The following GRID2 variants were observed in gnomAD, a reference collection of about 807,000 sequenced individuals.
GRID2 encodes the protein glutamate receptor ionotropic, delta-2.
A neutral mutation model predicts 114.8 loss-of-function variants in GRID2; 33 were observed. The observed-to-expected ratio is 0.29, with a 90% CI of 0.22 to 0.38. The LOEUF is 0.38. Among genes scored for constraint, GRID2 ranks in the 10% least tolerant of loss-of-function variants. The pLI is 1.00. For missense variants in GRID2, 1,184 were observed against 1,257.7 expected (o/e 0.94, Z 0.89); for synonymous variants, 505 against 449.9 (o/e 1.12, Z -1.55).
At chr4:93,297,309 T>C (rs72874957) in intron 8 of GRID2, among the ~76,000 whole-genome samples, 8,229 of 152,266 alleles carry the variant, frequency 0.054, 749 homozygotes, top group African/African-American at 0.19. Flanking sequence ...TAAGACCTTT[T>C]ATGTTATGTT....
intron 3 of GRID2, among the ~76,000 whole-genome samples, chr4:93,096,957 A>G (rs976568348): frequency 6.6e-6 from 1 of 152,054 alleles, no homozygotes; most frequent in Non-Finnish European, 1.5e-5. Context: ...ACAGTAGAAT[A>G]CTATTGAGCA....
intron 1 of GRID2, among the ~76,000 whole-genome samples, chr4:92,347,417 T>C (rs28733517): frequency 0.014 from 2,069 of 152,290 alleles, 53 homozygotes; most frequent in African/African-American, 0.047. Context: ...TTTGGGATGT[T>C]ACATATATGC....
intron 4 of GRID2, among the ~76,000 whole-genome samples, chr4:93,140,766 C>A (rs1735699742): frequency 6.6e-6 from 1 of 152,156 alleles, no homozygotes; most frequent in East Asian, 1.9e-4. Flanking sequence ...AGGTCTATGC[C>A]AATCAATACA....
intron 13 of GRID2, among the ~76,000 whole-genome samples, chr4:93,617,629 A>G (rs1257744351): frequency 6.6e-6 from 1 of 152,128 alleles, no homozygotes; most frequent in East Asian, 1.9e-4. Context: ...TATTATAATC[A>G]TTCTCATTTT....
chr4:92,810,352 T>G (rs866604613), intron 2 of GRID2, among the ~76,000 whole-genome samples: 13 of 152,018 alleles, frequency 8.6e-5, no homozygotes, highest in Non-Finnish European at 1.6e-4. Context: ...TAGCACACTT[T>G]AAGAATTTTT....
At chr4:93,792,415 G>A (rs1049367234) in intron 1 of GRID2, among the ~76,000 whole-genome samples, 1 of 151,916 alleles carries the variant, frequency 6.6e-6, no homozygotes, top group Non-Finnish European at 1.5e-5. Context: ...TTCTTGGAAG[G>A]CTGGGTTTTA....
At chr4:93,699,611 C>A (rs191938530) in intron 14 of GRID2, among the ~76,000 whole-genome samples, 1 of 152,076 alleles carries the variant, frequency 6.6e-6, no homozygotes, top group East Asian at 1.9e-4. Context: ...GAATTAAAAC[C>A]CAGGTTTTTC....
At chr4:92,764,093 G>T (rs919827464) in intron 2 of GRID2, among the ~76,000 whole-genome samples, 1 of 152,112 alleles carries the variant, frequency 6.6e-6, no homozygotes, top group Non-Finnish European at 1.5e-5. Flanking sequence ...TAAGATGGTT[G>T]TCTGTGCTCT....
At chr4:92,623,277 A>T (rs950501520) in intron 2 of GRID2, among the ~76,000 whole-genome samples, 2 of 151,536 alleles carry the variant, frequency 1.3e-5, no homozygotes, top group African/African-American at 4.8e-5. Context: ...CTGTACTAGC[A>T]TCTGAACTAT....
intron 1 of GRID2, among the ~76,000 whole-genome samples, chr4:92,349,047 A>C (rs1727929087): frequency 6.6e-6 from 1 of 151,998 alleles, no homozygotes; most frequent in Admixed American, 6.6e-5. Flanking sequence ...TGTAATGGGA[A>C]GATGGAGAGG....
chr4:92,736,812 A>G (rs115541306), intron 2 of GRID2, among the ~76,000 whole-genome samples: 415 of 152,220 alleles, frequency 2.7e-3, no homozygotes, highest in African/African-American at 9.5e-3. Flanking sequence ...GAGTAAAGTG[A>G]CAAGTGTTGA....
chr4:92,980,155 A>G (rs1754103938), intron 2 of GRID2, among the ~76,000 whole-genome samples: 1 of 152,080 alleles, frequency 6.6e-6, no homozygotes, highest in Non-Finnish European at 1.5e-5. Context: ...CAAGAACCCA[A>G]TTTTTGACTA....
At chr4:92,883,824 T>G (rs891015595) in intron 2 of GRID2, among the ~76,000 whole-genome samples, 2 of 152,196 alleles carry the variant, frequency 1.3e-5, no homozygotes, top group Non-Finnish European at 2.9e-5. Flanking sequence ...CCATCCAGGC[T>G]TTGTTGTTCC....
Position 92,958,850 on chromosome 4 carries a change from A to C in GRID2, c.245-126145A>C, listed in dbSNP as rs573049344. Among the ~76,000 whole-genome samples, 6 of 152,090 alleles carry C rather than the reference A, an allele frequency of 3.9e-5. No individual in the cohort carries two copies. In the South Asian group the frequency reaches 1.2e-3, roughly 32 times the overall value. ...CATTTTTGATTCAATTTGTTTGGTA[A>C]ATATTCACCTATTCAGATTGCCATT... On this transcript the variant is annotated intron_variant, in intron 2 of 15. Coordinates refer to ENST00000282020, the MANE Select transcript of GRID2 (RefSeq NM_001510.4).
At chr4:92,948,123 T>G (rs761084623) in intron 2 of GRID2, among the ~76,000 whole-genome samples, 68 of 151,912 alleles carry the variant, frequency 4.5e-4, no homozygotes, top group Non-Finnish European at 8.0e-4. Flanking sequence ...AAAGCCATTA[T>G]ACTCCTACCT....
At chr4:92,821,139 T>C (rs1428527435) in intron 2 of GRID2, among the ~76,000 whole-genome samples, 1 of 152,182 alleles carries the variant, frequency 6.6e-6, no homozygotes, top group East Asian at 1.9e-4. Flanking sequence ...TGAATTGATA[T>C]GTTTAACTGG....
At chr4:92,420,525 C>T (rs1349418445) in intron 1 of GRID2, among the ~76,000 whole-genome samples, 3 of 152,112 alleles carry the variant, frequency 2.0e-5, no homozygotes, top group East Asian at 3.9e-4. Context: ...TTGTTGTTTA[C>T]AAGGTTTGTT....
intron 1 of GRID2, among the ~76,000 whole-genome samples, chr4:92,551,722 A>G (rs1474832170): frequency 2.0e-5 from 3 of 152,200 alleles, no homozygotes; most frequent in African/African-American, 7.2e-5. Flanking sequence ...AAATAATACC[A>G]TCGTTAATAA....
At chr4:92,826,693 T>C (rs1032892750) in intron 2 of GRID2, among the ~76,000 whole-genome samples, 6 of 152,178 alleles carry the variant, frequency 3.9e-5, no homozygotes, top group Non-Finnish European at 8.8e-5. Context: ...CAATTTATAA[T>C]TATCTGTATA....
Sources: allele counts gnomAD v4.1 joint callset (sites outside exome capture counted in the v4.1 genomes callset), GRCh38; gene constraint gnomAD v4.1.1; transcripts MANE v1.5; gene names NCBI Gene and HGNC (gene_info 2026-07-23, HGNC 2026-07-21).